Variants in ITGA11 observed in about 807,000 individuals in gnomAD.
ITGA11 encodes integrin alpha-11.
Under a neutral mutation model 141.9 loss-of-function variants are expected in ITGA11, and 97 were observed. That is an observed-to-expected ratio of 0.68 (90% CI 0.58 to 0.81). The LOEUF (loss-of-function observed/expected upper bound fraction) is 0.81. Among genes scored for constraint, ITGA11 ranks in the 30% least tolerant of loss-of-function variants. The pLI, the probability that ITGA11 is intolerant of heterozygous loss-of-function variation, is 0.00. For synonymous variants in ITGA11, 658 were observed against 624.6 expected (o/e 1.05, Z -0.80); for missense variants, 1,387 against 1,559.2 (o/e 0.89, Z 1.86).
At position 68,333,558 on chromosome 15, in the gene ITGA11, C is replaced by T. The variant is rs1391638058; in HGVS notation, c.1426-1080G>A. Among the ~76,000 whole-genome samples, 4 of 152,104 alleles carry T rather than the reference C, an allele frequency of 2.6e-5. No individual in the cohort carries two copies. The highest frequency in any genetic ancestry group is 5.9e-5 in the Non-Finnish European group (4 of 67,998). On this transcript the variant is annotated intron_variant, in intron 12 of 29. Coordinates refer to ENST00000315757, the MANE Select transcript of ITGA11 (RefSeq NM_001004439.2). This position sits in a 1 kb window ranked among gnomAD's most constrained non-coding sequence, Gnocchi z 4.2. The stretch of plus-strand genomic sequence containing the variant: ...ACCCCCTCATCAGAAACCCAGAAAC[C>T]CTGACTCCACCCTCCACCTCTCCCA...
Position 68,358,605 on chromosome 15 carries a change from T to G in ITGA11, c.473-20A>C. ...GGCACCCTGGAAAGTGGGGACACAG[T>G]TATGGCTACCCAAGGAGCAGTGTCT... On this transcript the variant is annotated intron_variant, in intron 5 of 29. Coordinates refer to ENST00000315757, the MANE Select transcript of ITGA11 (RefSeq NM_001004439.2). 1 of 1,601,918 alleles carries G rather than the reference T, an allele frequency of 6.2e-7. No homozygotes were observed. Among genetic ancestry groups the G allele is most frequent in the Non-Finnish European group, 8.5e-7 (1 of 1,175,114 alleles).
In ITGA11 at chr15:68,328,832, C is replaced by T. The variant is rs780721128; in HGVS notation, c.1902-570G>A. On this transcript the variant is annotated intron_variant, in intron 15 of 29. Transcript: ENST00000315757. The surrounding 1 kb of genome is among the most constrained non-coding windows in gnomAD (Gnocchi z 4.8). ...TGATGTGAACGTTCCATGGACCACA[C>T]TTCGAAGAGCGAGGCGTTAAAGCAC... is the stretch of plus-strand genomic sequence containing the variant. Among the ~76,000 whole-genome samples, 1 of 152,162 alleles carries T rather than the reference C, an allele frequency of 6.6e-6. No individual in the cohort carries two copies. The highest frequency in any genetic ancestry group is 1.9e-4 in the East Asian group (1 of 5,188).
intron 22 of ITGA11, among the ~76,000 whole-genome samples, chr15:68,314,382 C>G (rs557560835): frequency 6.6e-6 from 1 of 152,318 alleles, no homozygotes; most frequent in African/African-American, 2.4e-5. Context: ...GAGTGAAATT[C>G]AGAGACATCT....
In ITGA11 at chr15:68,305,774, T is replaced by C. The variant is rs1377532258; in HGVS notation, c.3381+1574A>G. On this transcript the variant is annotated intron_variant, in intron 28 of 29. Transcript: ENST00000315757. This position sits in a 1 kb window ranked among gnomAD's most constrained non-coding sequence, Gnocchi z 4.6. The stretch of plus-strand genomic sequence containing the variant: ...GGGGGCCAGCAAATGGCAGGGCCCT[T>C]ATGTGTGCTCTTTCTGTCCCTCAAG... 6.6e-6 allele frequency among the ~76,000 whole-genome samples: 1 copy of C among 152,196 alleles called. No homozygotes were observed. Among genetic ancestry groups the C allele is most frequent in the Non-Finnish European group, 1.5e-5 (1 of 68,030 alleles).
At chr15:68,320,457 C>A in intron 19 of ITGA11, 65 bp from the exon 20 acceptor site, 1 of 1,441,936 alleles carries the variant, frequency 6.9e-7, no homozygotes, top group Non-Finnish European at 9.5e-7. Context: ...AGAGAGGAGC[C>A]CCAGGGTTGG....
rs189904472 is a variant in ITGA11 at position 68,336,997 on chromosome 15, G to A, written c.1277-1152C>T. Among the ~76,000 whole-genome samples the A allele has an allele frequency of 1.6e-4, 24 of 152,322 alleles. No individual in the cohort carries two copies. In the East Asian group the frequency reaches 4.2e-3, roughly 27 times the overall value. ...GGTCCATAATACCAAGACCTCACAA[G>A]GGGTGGCTAACATGGCCATGTATTT... On this transcript the variant is annotated intron_variant, in intron 11 of 29. Transcript: ENST00000315757.
intron 1 of ITGA11, among the ~76,000 whole-genome samples, chr15:68,430,793 G>A (rs1405830884): frequency 6.6e-6 from 1 of 152,216 alleles, no homozygotes; most frequent in African/African-American, 2.4e-5. Flanking sequence ...TGTGACTCTA[G>A]GATTCCACTA....
At chr15:68,395,725 G>T (rs952737376) in intron 2 of ITGA11, among the ~76,000 whole-genome samples, 1 of 116,208 alleles carries the variant, frequency 8.6e-6, no homozygotes, top group South Asian at 3.4e-4. Context: ...GGGCCTGTTG[G>T]GGGGTGGGGG....
At chr15:68,338,608 G>T (rs1894450078) in intron 11 of ITGA11, among the ~76,000 whole-genome samples, 1 of 152,220 alleles carries the variant, frequency 6.6e-6, no homozygotes, top group African/African-American at 2.4e-5. Flanking sequence ...GTTGGGGATA[G>T]AAAACAGGGT....
At chr15:68,336,048 T>G in intron 11 of ITGA11, 1 of 631,652 alleles carries the variant, frequency 1.6e-6, no homozygotes, top group Non-Finnish European at 2.7e-6. Flanking sequence ...GGAAGGGGGT[T>G]TGGAGGGTAG....
chr15:68,340,558 G>A (rs916236157), intron 10 of ITGA11, among the ~76,000 whole-genome samples: 2 of 152,144 alleles, frequency 1.3e-5, no homozygotes, highest in African/African-American at 2.4e-5. Context: ...CTCCATGACA[G>A]CCAGCACCCA....
Position 68,303,714 on chromosome 15 carries a change from G to A in ITGA11, c.3495+58C>T. The stretch of plus-strand genomic sequence containing the variant: ...CAGCGGCCACGAAGTTCCAGGGGCT[G>A]GAGCCTGGGCCCACCAGCCAGGATG... On this transcript the variant is annotated intron_variant, in intron 29 of 29. Coordinates refer to ENST00000315757, the MANE Select transcript of ITGA11 (RefSeq NM_001004439.2). This position sits in a 1 kb window ranked among gnomAD's most constrained non-coding sequence, Gnocchi z 5.3. 7.9e-7 allele frequency: 1 copy of A among 1,258,940 alleles called. No individual in the cohort carries two copies. Among genetic ancestry groups the A allele is most frequent in the African/African-American group, 1.5e-5 (1 of 67,636 alleles). 78.0% of individuals were successfully genotyped at this position (1,258,940 alleles called of 1,614,324 possible).
At chr15:68,398,294 A>G (rs1223051090) in intron 2 of ITGA11, among the ~76,000 whole-genome samples, 3 of 151,940 alleles carry the variant, frequency 2.0e-5, no homozygotes, top group East Asian at 3.9e-4. Flanking sequence ...TCAAAATAAA[A>G]GGATGGAGGA....
Position 68,361,685 on chromosome 15 carries a change from G to A in ITGA11, c.377C>T (p.Ser126Phe). The part of the protein sequence containing the change: ...NSFLACSPLW[S>F]HECGSSYYTT... ...GTAGTAGGAGCTCCCACACTCATGA[G>A]ACCAGAGGGGGCTGCAGGCCTGGGG... The change falls in exon 5 of 30, where the codon TCT (serine) becomes TTT (phenylalanine). Residue 126 changes from serine (S) to phenylalanine (F), a missense_variant. By Grantham distance (155) the Ser-to-Phe change is radical. Transcript: ENST00000315757. The A allele has an allele frequency of 1.9e-6, 3 of 1,607,212 alleles. No individual in the cohort carries two copies. The highest frequency in any genetic ancestry group is 3.4e-5 in the Admixed American group (2 of 59,146).
intron 24 of ITGA11, 57 bp from the exon 25 acceptor site, chr15:68,311,460 G>T (rs927612323): frequency 8.0e-7 from 1 of 1,251,530 alleles, no homozygotes; most frequent in African/African-American, 1.5e-5. Flanking sequence ...TGGAAAACAA[G>T]GTCCACAGGG....
At chr15:68,315,572 G>T in intron 22 of ITGA11, 79 bp downstream of exon 22, 1 of 1,193,544 alleles carries the variant, frequency 8.4e-7, no homozygotes, top group South Asian at 1.3e-5. Context: ...TCAGTGTCGG[G>T]AGGAGCAGTT....
chr15:68,422,962 T>G (rs368288916), intron 1 of ITGA11, among the ~76,000 whole-genome samples: 1 of 152,354 alleles, frequency 6.6e-6, no homozygotes, highest in African/African-American at 2.4e-5. Context: ...TCTCTTCTCA[T>G]CTTTTATCCC....
rs374526255 is a variant in ITGA11, at chr15:68,332,334, G to C, written c.1566+4C>G. ...GAAGCTGCCCAGCCCCTGCCCAGCTGTACCTGTCTCAGCTCATAGACGTAC... is the reference window on the plus strand; with the variant it reads ...GAAGCTGCCCAGCCCCTGCCCAGCTCTACCTGTCTCAGCTCATAGACGTAC... On this transcript the variant is annotated splice_donor_region_variant and intron_variant, in intron 13 of 29. Coordinates refer to ENST00000315757, the MANE Select transcript of ITGA11 (RefSeq NM_001004439.2). 6.2e-7 allele frequency: 1 copy of C among 1,602,300 alleles called. No homozygotes were observed. The highest frequency in any genetic ancestry group is 8.5e-7 in the Non-Finnish European group (1 of 1,175,390).
intron 7 of ITGA11, among the ~76,000 whole-genome samples, chr15:68,356,554 C>T (rs1407594678): frequency 1.3e-5 from 2 of 152,190 alleles, no homozygotes; most frequent in South Asian, 2.1e-4. Context: ...GTGTCTGTGG[C>T]AGAAGCTATT....
Sources: gnomAD v4.1 joint callset for allele counts (sites outside exome capture counted in the v4.1 genomes callset) on GRCh38, gnomAD v4.1.1 for gene constraint, Gnocchi (gnomAD v3.1) non-coding constraint, MANE v1.5 for transcripts, NCBI Gene and HGNC (gene_info 2026-07-23, HGNC 2026-07-21) for gene names.